The following SHLD2 variants were observed in gnomAD, a reference collection of about 807,000 sequenced individuals.
SHLD2 encodes the protein RINN1-REV7-interacting novel NHEJ regulator 2.
Under a neutral mutation model 73.2 loss-of-function variants are expected in SHLD2, and 30 were observed. The ratio of observed to expected loss-of-function variants is 0.41; its 90% CI spans 0.31 to 0.56. The LOEUF (loss-of-function observed/expected upper bound fraction) is 0.56, where lower values mean the gene tolerates loss of function less well. SHLD2 is among the 20% of genes least tolerant of loss of function. The probability of loss-of-function intolerance (pLI) is 0.28; values close to 1 mark genes in which losing one functional copy is unlikely to be tolerated. For missense variants in SHLD2, 745 were observed against 1,055.9 expected, an observed-to-expected ratio of 0.71 and a Z score of 4.08; for synonymous variants, 285 against 370.1, an observed-to-expected ratio of 0.77 and a Z score of 2.64.
intron 2 of SHLD2, among the ~76,000 whole-genome samples, chr10:87,100,138 C>T (rs372865317): frequency 1.1e-4 from 17 of 152,172 alleles, no homozygotes; most frequent in African/African-American, 2.6e-4. Context: ...TGTTTTCTTT[C>T]GATACTTATG....
intron 2 of SHLD2, among the ~76,000 whole-genome samples, chr10:87,120,129 C>T (rs1330329497): frequency 6.6e-6 from 1 of 152,020 alleles, no homozygotes; most frequent in Non-Finnish European, 1.5e-5. Context: ...CTTGCAACTT[C>T]GGTAACCTTG....
intron 8 of SHLD2, among the ~76,000 whole-genome samples, chr10:87,181,481 T>A (rs1475574928): frequency 6.6e-6 from 1 of 152,242 alleles, no homozygotes; most frequent in Non-Finnish European, 1.5e-5. Context: ...CTTATTTATG[T>A]CATTCCAAAT....
intron 2 of SHLD2, among the ~76,000 whole-genome samples, chr10:87,127,910 A>T (rs1298549169): frequency 6.6e-6 from 1 of 151,974 alleles, no homozygotes; most frequent in Non-Finnish European, 1.5e-5. Flanking sequence ...TCGTGCAAGT[A>T]ATGTTCCTTC....
chr10:87,185,128 T>C (rs577878377), intron 8 of SHLD2, among the ~76,000 whole-genome samples: 112 of 152,284 alleles, frequency 7.4e-4, no homozygotes, highest in African/African-American at 2.6e-3. Context: ...TTTCGGTCTC[T>C]ATAGATTTGC....
intron 2 of SHLD2, among the ~76,000 whole-genome samples, chr10:87,130,519 C>T (rs1844351834): frequency 6.6e-6 from 1 of 152,006 alleles, no homozygotes. Flanking sequence ...AGCGTAGTAA[C>T]CTAACCATGT....
At chr10:87,102,408 G>A (rs1842326904) in intron 2 of SHLD2, among the ~76,000 whole-genome samples, 1 of 152,040 alleles carries the variant, frequency 6.6e-6, no homozygotes, top group Admixed American at 6.6e-5. Flanking sequence ...CATCACCCTG[G>A]GTAATTTTTA....
At chr10:87,178,952 C>T (rs1032872249) in intron 7 of SHLD2, among the ~76,000 whole-genome samples, 3 of 151,940 alleles carry the variant, frequency 2.0e-5, no homozygotes, top group African/African-American at 7.3e-5. Context: ...AAGAGATAAC[C>T]AGAAAACAGT....
intron 2 of SHLD2, among the ~76,000 whole-genome samples, chr10:87,097,583 C>T (rs977616332): frequency 2.0e-5 from 3 of 151,746 alleles, no homozygotes; most frequent in Admixed American, 2.0e-4. Context: ...CAGAGCGAGT[C>T]TTCATCTCAA....
intron 2 of SHLD2, among the ~76,000 whole-genome samples, chr10:87,135,716 G>A (rs1473645226): frequency 1.4e-5 from 2 of 147,592 alleles, no homozygotes; most frequent in Non-Finnish European, 3.0e-5. Context: ...GCCTAGGCTG[G>A]TCTTGAACTC....
chr10:87,134,483 G>T (rs1283874942), intron 2 of SHLD2, among the ~76,000 whole-genome samples: 5 of 152,126 alleles, frequency 3.3e-5, no homozygotes, highest in African/African-American at 1.2e-4. Context: ...ATCCTGAGAA[G>T]CCCTAGCAAC....
At chr10:87,105,678 C>G (rs954805253) in intron 2 of SHLD2, among the ~76,000 whole-genome samples, 1 of 152,248 alleles carries the variant, frequency 6.6e-6, no homozygotes, top group African/African-American at 2.4e-5. Context: ...CTCTGTTACA[C>G]ATTCAGCCAG....
At chr10:87,119,628 C>T (rs1031022725) in intron 2 of SHLD2, among the ~76,000 whole-genome samples, 4 of 151,994 alleles carry the variant, frequency 2.6e-5, no homozygotes, top group Non-Finnish European at 4.4e-5. Flanking sequence ...GCCATGGTGG[C>T]GCGCACCTGT....
chr10:87,178,057 G>A (rs1052282851), intron 7 of SHLD2, among the ~76,000 whole-genome samples: 7 of 151,268 alleles, frequency 4.6e-5, no homozygotes, highest in Non-Finnish European at 1.0e-4. Flanking sequence ...CCAACGTGGT[G>A]AAACCCTGCC....
At chr10:87,178,235 CAAAAAAAAAAAAA>C (rs71019476) in intron 7 of SHLD2, among the ~76,000 whole-genome samples, 9 of 31,036 alleles carry the variant, frequency 2.9e-4, no homozygotes, top group African/African-American at 1.1e-3. Context: ...TACTCTGTCT[CAAAAAAAAAAAAA>C]AAAAAAAAAA....
At chr10:87,107,545 G>A (rs1392584758) in intron 2 of SHLD2, among the ~76,000 whole-genome samples, 3 of 152,222 alleles carry the variant, frequency 2.0e-5, no homozygotes, top group Admixed American at 6.5e-5. Flanking sequence ...TAAAGGCTGA[G>A]TTGAAGCAAC....
At chr10:87,125,063 A>G (rs2134106950) in intron 2 of SHLD2, among the ~76,000 whole-genome samples, 1 of 152,314 alleles carries the variant, frequency 6.6e-6, no homozygotes, top group South Asian at 2.1e-4. Context: ...TTACAAAGAA[A>G]TTAAATTAAT....
At chr10:87,160,951 C>T (rs1234916389) in intron 4 of SHLD2, among the ~76,000 whole-genome samples, 1 of 148,884 alleles carries the variant, frequency 6.7e-6, no homozygotes, top group Non-Finnish European at 1.5e-5. Context: ...CACTACACTG[C>T]ACTGCAGCCT....
At chr10:87,126,139 C>T (rs2134115025) in intron 2 of SHLD2, among the ~76,000 whole-genome samples, 1 of 152,250 alleles carries the variant, frequency 6.6e-6, no homozygotes, top group Non-Finnish European at 1.5e-5. Flanking sequence ...AGTACATTGG[C>T]ACAATCATGG....
intron 8 of SHLD2, among the ~76,000 whole-genome samples, chr10:87,185,000 GCTA>G (rs1848528642): frequency 1.3e-5 from 2 of 152,120 alleles, no homozygotes; most frequent in Non-Finnish European, 2.9e-5. Flanking sequence ...GGGCTGTGTA[GCTA>G]TCACCACAAC....
Sources: gnomAD v4.1 joint callset for allele counts (sites outside exome capture counted in the v4.1 genomes callset) on GRCh38, gnomAD v4.1.1 for gene constraint, MANE v1.5 for transcripts, NCBI Gene and HGNC (gene_info 2026-07-23, HGNC 2026-07-21) for gene names.